TAF3: variants seen among roughly 807,000 people sequenced by gnomAD.
The protein encoded by TAF3 is transcription initiation factor TFIID subunit 3.
In TAF3, 7 loss-of-function variants were observed where a neutral mutation model predicts 80.6. The ratio of observed to expected loss-of-function variants is 0.09; its 90% CI spans 0.05 to 0.16. The LOEUF (loss-of-function observed/expected upper bound fraction) is 0.16, where lower values mean the gene tolerates loss of function less well. Among genes scored for constraint, TAF3 ranks in the 10% least tolerant of loss-of-function variants. TAF3 has a pLI of 1.00. For missense variants in TAF3, 921 were observed against 1,140.2 expected, an observed-to-expected ratio of 0.81 and a Z score of 2.77; for synonymous variants, 444 against 446.1, an observed-to-expected ratio of 1.00 and a Z score of 0.06.
intron 2 of TAF3, among the ~76,000 whole-genome samples, chr10:7,922,109 C>G (rs1438069391): frequency 1.3e-5 from 2 of 152,066 alleles, no homozygotes; most frequent in African/African-American, 2.4e-5. Context: ...TCTCAGTATT[C>G]AAACTCGAAG....
At chr10:7,914,681 T>A (rs1837691427) in intron 2 of TAF3, among the ~76,000 whole-genome samples, 2 of 152,218 alleles carry the variant, frequency 1.3e-5, no homozygotes, top group Admixed American at 1.3e-4. Flanking sequence ...ATGTCTAGTT[T>A]CTTCGTATAC....
At chr10:7,988,572 CAAAAAAAAAAAAAAAAA>C (rs58825999) in intron 4 of TAF3, among the ~76,000 whole-genome samples, 6 of 49,270 alleles carry the variant, frequency 1.2e-4, no homozygotes, top group Admixed American at 3.2e-4. Flanking sequence ...GACCCTGTCT[CAAAAAAAAAAAAAAAAA>C]AAAAAAAAAA....
intron 2 of TAF3, among the ~76,000 whole-genome samples, chr10:7,928,451 G>C (rs1837836320): frequency 6.6e-6 from 1 of 152,100 alleles, no homozygotes; most frequent in Admixed American, 6.5e-5. Flanking sequence ...CCATTTTAAT[G>C]CATTTATGGA....
chr10:8,004,790 T>C (rs1027640382), intron 4 of TAF3, among the ~76,000 whole-genome samples: 6 of 152,204 alleles, frequency 3.9e-5, no homozygotes, highest in African/African-American at 1.4e-4. Flanking sequence ...GCCTAGGGTG[T>C]GTTGGGCTTC....
At position 7,964,386 on chromosome 10, in the gene TAF3, A is replaced by T. The variant is rs377632877; in HGVS notation, c.876A>T (p.Pro292=). 1 of 1,614,172 alleles carries T rather than the reference A, an allele frequency of 6.2e-7. No homozygotes were observed. Among genetic ancestry groups the T allele is most frequent in the Non-Finnish European group, 8.5e-7 (1 of 1,180,038 alleles). The change falls in exon 3 of 7, where the codon CCA becomes CCT. Residue 292 remains proline, a synonymous_variant. Coordinates refer to ENST00000344293, the MANE Select transcript of TAF3 (RefSeq NM_031923.4). This position sits in a 1 kb window ranked among gnomAD's most constrained non-coding sequence, Gnocchi z 4.1. ...KTKSPKTAQS[P]AMVGSPIRSP... ...AATCACCTAAAACCGCCCAGTCACC[A>T]GCAATGGTCGGAAGTCCTATTCGAT... is the stretch of plus-strand genomic sequence containing the variant.
intron 2 of TAF3, among the ~76,000 whole-genome samples, chr10:7,897,233 G>A (rs1232818388): frequency 6.6e-6 from 1 of 152,144 alleles, no homozygotes; most frequent in Non-Finnish European, 1.5e-5. Context: ...CACCCAAAGA[G>A]GACGGGATCA....
chr10:7,952,083 T>C (rs1165099216), intron 2 of TAF3, among the ~76,000 whole-genome samples: 1 of 152,236 alleles, frequency 6.6e-6, no homozygotes, highest in East Asian at 1.9e-4. Flanking sequence ...AGGAAAATCA[T>C]GATGATAGTG....
intron 2 of TAF3, among the ~76,000 whole-genome samples, chr10:7,944,795 G>A (rs1416194172): frequency 6.6e-6 from 1 of 152,196 alleles, no homozygotes; most frequent in Non-Finnish European, 1.5e-5. Flanking sequence ...AGGAAAGGGA[G>A]ACCTTATCTT....
At chr10:7,894,508 G>A (rs1199924290) in intron 2 of TAF3, among the ~76,000 whole-genome samples, 2 of 152,198 alleles carry the variant, frequency 1.3e-5, no homozygotes, top group Non-Finnish European at 2.9e-5. Context: ...TTCCTAGATG[G>A]TGACTGGACC....
intron 2 of TAF3, among the ~76,000 whole-genome samples, chr10:7,846,385 A>G (rs2131120994): frequency 6.6e-6 from 1 of 152,240 alleles, no homozygotes; most frequent in East Asian, 1.9e-4. Flanking sequence ...TAATGTTTCT[A>G]ATTTGATAGT....
At chr10:8,013,610 T>A in intron 5 of TAF3, 121 bp from the exon 6 acceptor site, 1 of 660,524 alleles carries the variant, frequency 1.5e-6, no homozygotes, top group Non-Finnish European at 2.6e-6. Context: ...TCTACTATAT[T>A]TTTTAGTTTA....
At chr10:7,963,656 T>C (rs2131411888) in intron 2 of TAF3, among the ~76,000 whole-genome samples, 2 of 152,042 alleles carry the variant, frequency 1.3e-5, no homozygotes, top group South Asian at 2.1e-4. Context: ...TCGGCACCTG[T>C]TGGGAGGTCG....
rs540621573 is a variant in TAF3 at position 7,954,310 on chromosome 10, T to A, written c.410-9610T>A. 3.6e-5 allele frequency among the ~76,000 whole-genome samples: 5 copies of A among 137,414 alleles called. 1 individual carries two copies. In the South Asian group the frequency reaches 1.3e-3, roughly 37 times the overall value. 90.1% of individuals were successfully genotyped at this position (137,414 alleles called of 152,430 possible). ...GAGCTCTCCCTAGTGAGATTCAGAG[T>A]GCACTCCATAGGCGAATGAGTGAAT... On this transcript the variant is annotated intron_variant, in intron 2 of 6. Transcript: ENST00000344293.
At chr10:7,942,240 T>G (rs1305052108) in intron 2 of TAF3, among the ~76,000 whole-genome samples, 1 of 152,214 alleles carries the variant, frequency 6.6e-6, no homozygotes, top group African/African-American at 2.4e-5. Context: ...TTTGTCGATT[T>G]CAGTCGAGCT....
At chr10:7,923,236 T>C (rs1451954602) in intron 2 of TAF3, among the ~76,000 whole-genome samples, 1 of 152,166 alleles carries the variant, frequency 6.6e-6, no homozygotes, top group East Asian at 1.9e-4. Context: ...TTCAACTTAG[T>C]GTTTAAAAAA....
intron 4 of TAF3, among the ~76,000 whole-genome samples, chr10:7,983,060 C>T (rs910992158): frequency 6.6e-6 from 1 of 151,732 alleles, no homozygotes; most frequent in African/African-American, 2.4e-5. Flanking sequence ...TCGGCGGGGC[C>T]ACCTGCAGGC....
intron 4 of TAF3, among the ~76,000 whole-genome samples, chr10:8,004,426 A>G (rs1425390461): frequency 6.6e-6 from 1 of 152,172 alleles, no homozygotes; most frequent in Non-Finnish European, 1.5e-5. Flanking sequence ...TAGGAATTTA[A>G]AGGGGCCCTA....
intron 1 of TAF3, 76 bp downstream of exon 1, chr10:7,818,951 C>T (rs1170893796): frequency 6.3e-5 from 82 of 1,310,236 alleles, no homozygotes; most frequent in Non-Finnish European, 7.6e-5. Context: ...TGTCCCTCCG[C>T]GTCCCCGGGG....
chr10:7,988,243 G>A (rs1360380153), intron 4 of TAF3, among the ~76,000 whole-genome samples: 2 of 152,054 alleles, frequency 1.3e-5, no homozygotes, highest in Non-Finnish European at 2.9e-5. Flanking sequence ...GAGGCTGGGA[G>A]TTTGAGAATA....
Sources: allele counts gnomAD v4.1 joint callset (sites outside exome capture counted in the v4.1 genomes callset), GRCh38; gene constraint gnomAD v4.1.1; non-coding constraint Gnocchi (gnomAD v3.1); transcripts MANE v1.5; gene names NCBI Gene and HGNC (gene_info 2026-07-23, HGNC 2026-07-21).